LRRCC1: variants seen among roughly 807,000 people sequenced by gnomAD.
LRRCC1 encodes leucine rich repeat and coiled-coil centrosomal protein 1, also known as leucine-rich repeat and coiled-coil domain-containing protein 1.
Under a neutral mutation model 126.0 loss-of-function variants are expected in LRRCC1, and 115 were observed. The observed-to-expected ratio is 0.91, with a 90% CI of 0.78 to 1.07. The LOEUF is 1.07. LRRCC1 is among the 50% of genes least tolerant of loss of function. The pLI, the probability that LRRCC1 is intolerant of heterozygous loss-of-function variation, is 0.00. For synonymous variants in LRRCC1, 400 were observed against 393.4 expected (o/e 1.02, Z -0.20); for missense variants, 1,172 against 1,175.7 (o/e 1.00, Z 0.05).
At chr8:85,131,430 A>T (rs1180856088) in intron 11 of LRRCC1, among the ~76,000 whole-genome samples, 1 of 152,222 alleles carries the variant, frequency 6.6e-6, no homozygotes, top group Non-Finnish European at 1.5e-5. Context: ...TATTTATTGC[A>T]AGTCAAAGAC....
rs200094850 is a variant in LRRCC1 at position 85,115,588 on chromosome 8, A to C, written c.930+4A>C. 3.2e-6 allele frequency: 5 copies of C among 1,555,060 alleles called. No individual in the cohort carries two copies. Among genetic ancestry groups the C allele is most frequent in the Admixed American group, 1.7e-5 (1 of 58,298 alleles). ...AATTCTACAACTTCTAAATGAAGTA[A>C]CTATTTTTCCTACTTCTCTATAGAC... On this transcript the variant is annotated splice_donor_region_variant and intron_variant, in intron 6 of 18. Coordinates refer to ENST00000360375, the MANE Select transcript of LRRCC1 (RefSeq NM_033402.5).
chr8:85,123,280 G>A (rs1809708361), intron 6 of LRRCC1, 133 bp from the exon 7 acceptor site: 1 of 601,398 alleles, frequency 1.7e-6, no homozygotes, highest in Admixed American at 3.7e-5. Flanking sequence ...TGAATTCCCT[G>A]TCTTTAATAT....
intron 14 of LRRCC1, among the ~76,000 whole-genome samples, chr8:85,136,279 C>CT (rs371836707): frequency 0.092 from 13,502 of 146,332 alleles, 836 homozygotes; most frequent in Middle Eastern, 0.16. Flanking sequence ...AAAAATAATT[C>CT]TTTTTTTTTT....
intron 12 of LRRCC1, among the ~76,000 whole-genome samples, chr8:85,132,398 T>C (rs1460238443): frequency 1.3e-5 from 1 of 75,556 alleles, no homozygotes; most frequent in African/African-American, 4.2e-5. Context: ...TTTTTTTTTT[T>C]TTTTTGTTTC....
intron 6 of LRRCC1, among the ~76,000 whole-genome samples, chr8:85,118,579 G>A (rs1809289187): frequency 6.6e-6 from 1 of 152,070 alleles, no homozygotes; most frequent in Admixed American, 6.5e-5. Flanking sequence ...TCTAGTGGGA[G>A]TATCCTGATG....
intron 8 of LRRCC1, among the ~76,000 whole-genome samples, chr8:85,125,258 A>G (rs1171752478): frequency 6.6e-6 from 1 of 152,122 alleles, no homozygotes; most frequent in Admixed American, 6.5e-5. Flanking sequence ...CCTTTTCAGT[A>G]TCTAAAAAAA....
At position 85,137,581 on chromosome 8, in the gene LRRCC1, GCA is replaced by G; in HGVS notation, c.2448_2449del (p.Cys816Ter). The G allele has an allele frequency of 6.6e-7, 1 of 1,505,168 alleles. No individual in the cohort carries two copies. Among genetic ancestry groups the G allele is most frequent in the Non-Finnish European group, 8.8e-7 (1 of 1,130,922 alleles). 93.2% of individuals were successfully genotyped at this position (1,505,168 alleles called of 1,614,324 possible). A position where few individuals can be genotyped will look rare whatever the true frequency, so the allele number is the denominator to read the frequency against. ...GATAGTGATGCATTAAGAATAAAGT[GCA>G]AAATCATAGACGACCAAACTGAAAC... On this transcript the variant is annotated stop_gained and frameshift_variant, in exon 15 of 19. Transcript: ENST00000360375. LOFTEE classifies it high-confidence loss of function.
intron 3 of LRRCC1, among the ~76,000 whole-genome samples, chr8:85,112,484 C>T (rs1808803628): frequency 6.6e-6 from 1 of 152,170 alleles, no homozygotes; most frequent in African/African-American, 2.4e-5. Flanking sequence ...TCTAGATAAG[C>T]TTGTGCGAGA....
Position 85,126,888 on chromosome 8 carries a change from G to C in LRRCC1, c.1421+51G>C, listed in dbSNP as rs754856530. On this transcript the variant is annotated intron_variant, in intron 9 of 18. Coordinates refer to ENST00000360375, the MANE Select transcript of LRRCC1 (RefSeq NM_033402.5). ...GATACCTCATAGCATAAACAATACT[G>C]ACTTTAGAACTGGAATACATTAGTT... 5.4e-6 allele frequency: 8 copies of C among 1,468,542 alleles called. No individual in the cohort carries two copies. In the African/African-American group the frequency reaches 9.8e-5, roughly 18 times the overall value. The allele number at this position is 1,468,542 out of a possible 1,614,324, so 91.0% of individuals were successfully genotyped here.
At chr8:85,119,802 C>T (rs1419397908) in intron 6 of LRRCC1, among the ~76,000 whole-genome samples, 2 of 152,068 alleles carry the variant, frequency 1.3e-5, no homozygotes, top group African/African-American at 4.8e-5. Context: ...CCAGCTGTAA[C>T]GTCTTAATAT....
At chr8:85,145,330 C>T in intron 18 of LRRCC1, 59 bp from the exon 19 acceptor site, 1 of 1,272,346 alleles carries the variant, frequency 7.9e-7, no homozygotes, top group South Asian at 1.6e-5. Context: ...TTTCAGAATG[C>T]ATTTTAAAAA....
chr8:85,130,281 G>A (rs1484381846), intron 11 of LRRCC1, among the ~76,000 whole-genome samples: 17 of 151,560 alleles, frequency 1.1e-4, no homozygotes, highest in East Asian at 7.8e-4. Flanking sequence ...GACTACAGGC[G>A]CCCGCCACCA....
At chr8:85,115,070 A>C in intron 4 of LRRCC1, 30 bp from the exon 5 acceptor site, 1 of 1,500,772 alleles carries the variant, frequency 6.7e-7, no homozygotes, top group Non-Finnish European at 8.9e-7. Context: ...TTAATATTTC[A>C]GTTTTCATTT....
intron 1 of LRRCC1, chr8:85,108,778 G>A (rs1207237745): frequency 6.6e-6 from 1 of 152,278 alleles, no homozygotes; most frequent in East Asian, 1.9e-4. Flanking sequence ...GCAGATGCCC[G>A]TGACATTGTG....
chr8:85,126,917 G>C, intron 9 of LRRCC1, 80 bp downstream of exon 9: 1 of 1,236,910 alleles, frequency 8.1e-7, no homozygotes. Context: ...ATTAGTTTCA[G>C]TGTGGTTCAA....
intron 1 of LRRCC1, 154 bp from the exon 2 acceptor site, chr8:85,109,441 T>G (rs1418552072): frequency 6.8e-6 from 4 of 585,346 alleles, no homozygotes; most frequent in Non-Finnish European, 1.2e-5. Flanking sequence ...AAGCACCGTG[T>G]TTTGTGAGAC....
intron 1 of LRRCC1, 52 bp downstream of exon 1, chr8:85,107,451 G>A (rs2135900504): frequency 6.8e-7 from 1 of 1,462,590 alleles, no homozygotes; most frequent in Non-Finnish European, 9.3e-7. Context: ...CAGAGCCGGG[G>A]CCACGAGTGG....
Position 85,138,062 on chromosome 8 carries a change from A to C in LRRCC1, c.2521A>C (p.Lys841Gln). 6.3e-7 allele frequency: 1 copy of C among 1,583,004 alleles called. No homozygotes were observed. The highest frequency in any genetic ancestry group is 8.6e-7 in the Non-Finnish European group (1 of 1,164,932). ...TTTACAAGAAAAAGATGAACACATC[A>C]AAAGATTACAAGAAAAGATCACAGA... ...DCLQEKDEHIKRLQEKITEIE... is the reference protein window; with the variant it reads ...DCLQEKDEHIQRLQEKITEIE... The change falls in exon 16 of 19, where the codon AAA becomes CAA. Residue 841 changes from lysine (K) to glutamine (Q), a missense_variant. By Grantham distance (53) the Lys-to-Gln change is moderately conservative (BLOSUM62 1). Coordinates refer to ENST00000360375, the MANE Select transcript of LRRCC1 (RefSeq NM_033402.5).
intron 8 of LRRCC1, among the ~76,000 whole-genome samples, chr8:85,125,799 T>C (rs1809949195): frequency 6.6e-6 from 1 of 152,050 alleles, no homozygotes; most frequent in Admixed American, 6.6e-5. Flanking sequence ...AACTTCCCCT[T>C]ATATTACTTG....
Sources: allele counts gnomAD v4.1 joint callset (sites outside exome capture counted in the v4.1 genomes callset), GRCh38; gene constraint gnomAD v4.1.1; transcripts MANE v1.5; gene names NCBI Gene and HGNC (gene_info 2026-07-23, HGNC 2026-07-21).